LRP2: variants seen among roughly 807,000 people sequenced by gnomAD.
LRP2 encodes the protein low-density lipoprotein receptor-related protein 2.
In LRP2, 172 loss-of-function variants were observed where a neutral mutation model predicts 531.0. That is an observed-to-expected ratio of 0.32 (90% CI 0.29 to 0.37). LRP2 has a LOEUF of 0.37. Ranked by LOEUF, LRP2 falls within the 10% of genes least tolerant of loss-of-function variation. The pLI, the probability that LRP2 is intolerant of heterozygous loss-of-function variation, is 1.00. For missense variants in LRP2, 5,167 were observed against 5,868.3 expected (o/e 0.88, Z 3.90); for synonymous variants, 1,992 against 2,027.6 (o/e 0.98, Z 0.47).
chr2:169,197,432 T>G (rs764060577), intron 45 of LRP2, among the ~76,000 whole-genome samples: 13 of 152,348 alleles, frequency 8.5e-5, no homozygotes, highest in Admixed American at 3.3e-4. Context: ...CTAAGCTCGC[T>G]CCACACACAA....
intron 8 of LRP2, among the ~76,000 whole-genome samples, chr2:169,290,201 G>T (rs1297841710): frequency 1.4e-5 from 2 of 146,614 alleles, no homozygotes; most frequent in Non-Finnish European, 3.0e-5. Flanking sequence ...ACAACACTGT[G>T]CATGGCCAAC....
chr2:169,360,940 C>T (rs1686131714), intron 1 of LRP2, among the ~76,000 whole-genome samples: 1 of 152,226 alleles, frequency 6.6e-6, no homozygotes, highest in African/African-American at 2.4e-5. Context: ...ATACATGCCA[C>T]GGCCCATCCA....
At chr2:169,237,979 T>C in intron 27 of LRP2, 112 bp downstream of exon 27, 1 of 862,490 alleles carries the variant, frequency 1.2e-6, no homozygotes, top group Non-Finnish European at 2.0e-6. Flanking sequence ...GCCCAGAAGG[T>C]ACCATGAGAG....
intron 41 of LRP2, among the ~76,000 whole-genome samples, chr2:169,204,931 G>T (rs1419278358): frequency 6.6e-6 from 1 of 152,012 alleles, no homozygotes; most frequent in Admixed American, 6.6e-5. Context: ...AATTAGAGTT[G>T]ACAAAAGGAA....
At chr2:169,260,451 G>A (rs1253982945) in intron 16 of LRP2, among the ~76,000 whole-genome samples, 53 of 152,042 alleles carry the variant, frequency 3.5e-4, no homozygotes, top group Admixed American at 3.4e-3. Context: ...GTGGGGATGG[G>A]GCACCAAGGA....
chr2:169,277,774 A>G lies in LRP2; in HGVS notation c.1743T>C (p.Ile581=), dbSNP rs758356491. The change falls in exon 13 of 79, where the codon ATT becomes ATC. Residue 581 remains isoleucine, a synonymous_variant. Transcript: ENST00000649046. ...GAATTCCATCATAAGTTACAGTTTC[A>G]ATGTAATCAAACCGAGAGTCAACCC... ...VYWVDSRFDY[I]ETVTYDGIQR... 6.2e-7 allele frequency: 1 copy of G among 1,614,128 alleles called. No individual in the cohort carries two copies. The highest frequency in any genetic ancestry group is 1.1e-5 in the South Asian group (1 of 91,078).
intron 4 of LRP2, among the ~76,000 whole-genome samples, chr2:169,301,976 A>G (rs530796772): frequency 6.6e-5 from 10 of 152,220 alleles, no homozygotes; most frequent in East Asian, 3.9e-4. Context: ...AACATCCATT[A>G]CTATTTTTAG....
chr2:169,359,928 G>T (rs1375191326), intron 1 of LRP2, among the ~76,000 whole-genome samples: 1 of 151,870 alleles, frequency 6.6e-6, no homozygotes, highest in African/African-American at 2.4e-5. Context: ...GTTCAAGACT[G>T]GCCTGGCCAA....
chr2:169,247,051 A>C (rs1574177320), intron 20 of LRP2, 65 bp from the exon 21 acceptor site: 1 of 1,568,794 alleles, frequency 6.4e-7, no homozygotes, highest in Non-Finnish European at 8.7e-7. Flanking sequence ...CACGGGTTTG[A>C]TTTGTGAAGG....
At position 169,211,488 on chromosome 2, in the gene LRP2, C is replaced by A. The variant is rs138355924; in HGVS notation, c.6280+480G>T. ...ATTCACCAAATATATATTAATAAAT[C>A]ATATTTGTGGACTATTTCATTACCA... On this transcript the variant is annotated intron_variant, in intron 37 of 78. Coordinates refer to ENST00000649046, the MANE Select transcript of LRP2 (RefSeq NM_004525.3). Among the ~76,000 whole-genome samples, 1,383 of 152,248 alleles carry A rather than the reference C, an allele frequency of 9.1e-3. 29 individuals are homozygous for A. The highest frequency in any genetic ancestry group is 8.5e-3 in the Non-Finnish European group (576 of 68,016).
At chr2:169,257,296 T>A in intron 17 of LRP2, 47 bp from the exon 18 acceptor site, 1 of 1,594,904 alleles carries the variant, frequency 6.3e-7, no homozygotes. Flanking sequence ...TGGGACAAAC[T>A]ACATGACTTC....
intron 3 of LRP2, among the ~76,000 whole-genome samples, chr2:169,314,222 T>A (rs1287170997): frequency 6.7e-6 from 1 of 148,894 alleles, no homozygotes. Context: ...CATAGTGAGA[T>A]CCTTATATCT....
Position 169,290,861 on chromosome 2 carries a change from A to T in LRP2, c.906T>A (p.Ser302Arg). 1.2e-6 allele frequency: 2 copies of T among 1,614,116 alleles called. No homozygotes were observed. The highest frequency in any genetic ancestry group is 1.7e-6 in the Non-Finnish European group (2 of 1,179,990). ...TATACTCACTACAGTATTTTCCGGT[A>T]CTAGTGTTGTTTTCATCTTCTCTTC... Reference protein sequence around the residue: ...CPGREDENNTSTGKYCSMTLC... With the variant: ...CPGREDENNTRTGKYCSMTLC... The change falls in exon 8 of 79, where the codon AGT (serine) becomes AGA (arginine). Residue 302 changes from serine (S) to arginine (R), a missense_variant. Transcript: ENST00000649046.
intron 45 of LRP2, among the ~76,000 whole-genome samples, chr2:169,198,202 C>T (rs1487842674): frequency 6.6e-6 from 1 of 151,752 alleles, no homozygotes; most frequent in Non-Finnish European, 1.5e-5. Flanking sequence ...TCGCTTGAGC[C>T]CAAGAGTTCC....
intron 1 of LRP2, among the ~76,000 whole-genome samples, chr2:169,346,677 A>AT (rs1357251650): frequency 6.6e-6 from 1 of 152,130 alleles, no homozygotes; most frequent in Non-Finnish European, 1.5e-5. Context: ...CCATCTCTAA[A>AT]TTTTTTTAAA....
chr2:169,304,942 T>C (rs944450482), intron 4 of LRP2, among the ~76,000 whole-genome samples: 19 of 152,326 alleles, frequency 1.2e-4, no homozygotes, highest in Admixed American at 7.2e-4. Flanking sequence ...GAAGCCATCA[T>C]TCTCAGCAAA....
chr2:169,155,069 C>A (rs1686282534), intron 65 of LRP2, among the ~76,000 whole-genome samples: 1 of 152,158 alleles, frequency 6.6e-6, no homozygotes. Flanking sequence ...AGCAGGTAAT[C>A]AGCTCTATGA....
intron 1 of LRP2, among the ~76,000 whole-genome samples, chr2:169,358,868 CA>C: frequency 9.7e-6 from 1 of 103,116 alleles, no homozygotes; most frequent in South Asian, 3.0e-4. Flanking sequence ...AAACAGAATA[CA>C]ACTTTGTTTA....
At chr2:169,268,460 A>T (rs1055725628) in intron 16 of LRP2, among the ~76,000 whole-genome samples, 5 of 152,244 alleles carry the variant, frequency 3.3e-5, no homozygotes, top group Non-Finnish European at 7.3e-5. Flanking sequence ...AGCATACACA[A>T]ATCAATAAAC....
Sources: gnomAD v4.1 joint callset for allele counts (sites outside exome capture counted in the v4.1 genomes callset) on GRCh38, gnomAD v4.1.1 for gene constraint, MANE v1.5 for transcripts, NCBI Gene and HGNC (gene_info 2026-07-23, HGNC 2026-07-21) for gene names.